SHQ1: variants seen among roughly 807,000 people sequenced by gnomAD.
SHQ1 encodes SHQ1, H/ACA ribonucleoprotein assembly factor, also known as protein SHQ1 homolog.
A neutral mutation model predicts 53.8 loss-of-function variants in SHQ1; 49 were observed. The observed-to-expected ratio is 0.91, with a 90% CI of 0.72 to 1.16. SHQ1 has a LOEUF of 1.16. Ranked by LOEUF, SHQ1 falls within the 50% of genes most tolerant of loss-of-function variation. The pLI, the probability that SHQ1 is intolerant of heterozygous loss-of-function variation, is 0.00. For synonymous variants in SHQ1, 243 were observed against 251.0 expected (o/e 0.97, Z 0.30); for missense variants, 738 against 683.1 (o/e 1.08, Z -0.90).
chr3:72,843,943 T>C (rs1708252293), intron 2 of SHQ1, among the ~76,000 whole-genome samples: 1 of 152,226 alleles, frequency 6.6e-6, no homozygotes, highest in African/African-American at 2.4e-5. Context: ...AGCCTTTAAA[T>C]GCCACCCATG....
chr3:72,799,613 T>C (rs1460105463), intron 9 of SHQ1, among the ~76,000 whole-genome samples: 1 of 152,186 alleles, frequency 6.6e-6, no homozygotes, highest in Non-Finnish European at 1.5e-5. Flanking sequence ...TATCCTCAAA[T>C]TTCTCAGATG....
intron 10 of SHQ1, chr3:72,772,671 T>G (rs1705879779): frequency 5.6e-6 from 4 of 720,332 alleles, no homozygotes; most frequent in South Asian, 4.3e-5. Flanking sequence ...TTGATGGTGC[T>G]TCCATCAAGT....
intron 4 of SHQ1, among the ~76,000 whole-genome samples, chr3:72,840,362 C>A (rs1407063812): frequency 6.6e-6 from 1 of 150,874 alleles, no homozygotes; most frequent in Non-Finnish European, 1.5e-5. Flanking sequence ...TTGAGACCAT[C>A]CTGGCCAACA....
chr3:72,761,683 A>G (rs1175526994), intron 10 of SHQ1, among the ~76,000 whole-genome samples: 2 of 152,340 alleles, frequency 1.3e-5, no homozygotes, highest in East Asian at 1.9e-4. Context: ...AAGTACTTAC[A>G]GCAACCCTGT....
At chr3:72,828,883 A>C (rs1011695520) in intron 5 of SHQ1, among the ~76,000 whole-genome samples, 1 of 152,154 alleles carries the variant, frequency 6.6e-6, no homozygotes, top group African/African-American at 2.4e-5. Context: ...CACCAAGGAC[A>C]GAGTTAAGCA....
intron 10 of SHQ1, chr3:72,753,794 C>T (rs938808001): frequency 7.1e-5 from 18 of 252,476 alleles, no homozygotes; most frequent in Admixed American, 2.6e-4. Flanking sequence ...TGGAATATGA[C>T]GGCTGCAACA....
intron 4 of SHQ1, among the ~76,000 whole-genome samples, chr3:72,836,476 A>G (rs544359658): frequency 1.3e-5 from 2 of 151,958 alleles, no homozygotes; most frequent in Admixed American, 6.5e-5. Context: ...GCAACAAAGC[A>G]AGACTCCGTC....
the SHQ1 span, among the ~76,000 whole-genome samples, chr3:72,738,233 G>T: frequency 6.6e-6 from 1 of 152,168 alleles, no homozygotes; most frequent in East Asian, 1.9e-4. Context: ...AAAAGCCTGA[G>T]CTCTCTCGGG....
chr3:72,730,840 A>G, the SHQ1 span, among the ~76,000 whole-genome samples: 3 of 151,282 alleles, frequency 2.0e-5, no homozygotes, highest in Admixed American at 1.3e-4. Context: ...TTTCTGGTAT[A>G]TGCAATTTCT....
intron 10 of SHQ1, among the ~76,000 whole-genome samples, chr3:72,755,508 A>G (rs998432761): frequency 6.6e-6 from 1 of 152,224 alleles, no homozygotes; most frequent in African/African-American, 2.4e-5. Flanking sequence ...ACTGATTAAA[A>G]TTTCAAAATA....
intron 10 of SHQ1, among the ~76,000 whole-genome samples, chr3:72,779,582 G>A (rs1706032105): frequency 6.6e-6 from 1 of 152,116 alleles, no homozygotes; most frequent in Admixed American, 6.5e-5. Context: ...TTTACCATTG[G>A]CAGGCCCCTG....
intron 10 of SHQ1, chr3:72,773,386 A>G (rs1705894279): frequency 2.1e-6 from 1 of 476,160 alleles, no homozygotes; most frequent in African/African-American, 2.0e-5. Context: ...TACATCCCTC[A>G]GCCTATCTCA....
rs1705332259 is a variant in SHQ1, at chr3:72,750,113, TC to T, written c.*170del. The T allele has an allele frequency of 1.6e-6, 1 of 613,596 alleles. No homozygotes were observed. The highest frequency in any genetic ancestry group is 1.9e-5 in the African/African-American group (1 of 53,976). The allele number at this position is 613,596 out of a possible 1,614,324, so 38.0% of individuals were successfully genotyped here. ...CATGTTTGGTACAGATGCGATTTTT[TC>T]TTCAATATTTTTGATCTGCAGTTGG... On this transcript the variant is annotated 3_prime_UTR_variant, in exon 11 of 11. Coordinates refer to ENST00000325599, the MANE Select transcript of SHQ1 (RefSeq NM_018130.3).
the SHQ1 span, among the ~76,000 whole-genome samples, chr3:72,735,698 A>ATG: frequency 7.0e-6 from 1 of 143,876 alleles, no homozygotes; most frequent in African/African-American, 2.6e-5. Context: ...AATTCAGCTA[A>ATG]AGAGAGAGAG....
intron 6 of SHQ1, among the ~76,000 whole-genome samples, chr3:72,821,997 C>T (rs1707492478): frequency 6.6e-6 from 1 of 152,156 alleles, no homozygotes; most frequent in African/African-American, 2.4e-5. Context: ...TCCTGGCTCT[C>T]CTGTGACTGA....
intron 9 of SHQ1, among the ~76,000 whole-genome samples, chr3:72,798,955 G>T (rs930185336): frequency 6.6e-6 from 1 of 152,148 alleles, no homozygotes; most frequent in Admixed American, 6.5e-5. Flanking sequence ...CCCAAGACAA[G>T]AAGCCAATTG....
intron 9 of SHQ1, among the ~76,000 whole-genome samples, chr3:72,807,567 C>G (rs1248071926): frequency 6.6e-6 from 1 of 152,156 alleles, no homozygotes; most frequent in Non-Finnish European, 1.5e-5. Flanking sequence ...TTTGCAATAT[C>G]TCCTCTACAA....
intron 6 of SHQ1, among the ~76,000 whole-genome samples, chr3:72,817,621 A>G (rs111525332): frequency 3.9e-5 from 6 of 152,294 alleles, no homozygotes; most frequent in African/African-American, 1.4e-4. Context: ...CCTATTCCTT[A>G]ATTCCTGACC....
chr3:72,747,780 G>A (rs1705281188), downstream of SHQ1, among the ~76,000 whole-genome samples: 1 of 152,178 alleles, frequency 6.6e-6, no homozygotes. Context: ...CTGAGGTCAG[G>A]AGTTCGAGAC....
Sources: gnomAD v4.1 joint callset for allele counts (sites outside exome capture counted in the v4.1 genomes callset) on GRCh38, gnomAD v4.1.1 for gene constraint, MANE v1.5 for transcripts, NCBI Gene and HGNC (gene_info 2026-07-23, HGNC 2026-07-21) for gene names.